The following FBXL7 variants were observed in gnomAD, a reference collection of about 807,000 sequenced individuals.
FBXL7 encodes F-box and leucine rich repeat protein 7.
Under a neutral mutation model 38.3 loss-of-function variants are expected in FBXL7, and 12 were observed. The observed-to-expected ratio is 0.31, with a 90% CI of 0.20 to 0.51. The LOEUF (loss-of-function observed/expected upper bound fraction) is 0.51. Ranked by LOEUF, FBXL7 falls within the 20% of genes least tolerant of loss-of-function variation. FBXL7 has a pLI of 0.98. For missense variants in FBXL7, 567 were observed against 676.4 expected, an observed-to-expected ratio of 0.84 and a Z score of 1.79; for synonymous variants, 297 against 300.9, an observed-to-expected ratio of 0.99 and a Z score of 0.13.
At chr5:15,795,332 A>AT (rs1001985594) in intron 2 of FBXL7, among the ~76,000 whole-genome samples, 17 of 152,118 alleles carry the variant, frequency 1.1e-4, no homozygotes, top group African/African-American at 3.6e-4. Flanking sequence ...ATTTGACTAG[A>AT]TTTTTTCTAA....
intron 1 of FBXL7, among the ~76,000 whole-genome samples, chr5:15,532,451 T>A (rs552408121): frequency 6.6e-6 from 1 of 152,374 alleles, no homozygotes; most frequent in East Asian, 1.9e-4. Context: ...ATTTCTAAGA[T>A]GATTCCATGA....
At chr5:15,683,439 C>A (rs1025149706) in intron 2 of FBXL7, among the ~76,000 whole-genome samples, 3 of 152,160 alleles carry the variant, frequency 2.0e-5, no homozygotes, top group Non-Finnish European at 2.9e-5. Flanking sequence ...AGGCGGAGCT[C>A]TGCCAAGATT....
intron 2 of FBXL7, among the ~76,000 whole-genome samples, chr5:15,853,045 A>G (rs1739148001): frequency 1.3e-5 from 2 of 152,204 alleles, no homozygotes; most frequent in South Asian, 4.1e-4. Context: ...GAGGCAGATC[A>G]TGCTTTTTAT....
intron 1 of FBXL7, among the ~76,000 whole-genome samples, chr5:15,505,566 T>G (rs1283643814): frequency 6.6e-6 from 1 of 152,152 alleles, no homozygotes; most frequent in Non-Finnish European, 1.5e-5. Flanking sequence ...ACTAGAATGG[T>G]GAACACCCAC....
intron 2 of FBXL7, among the ~76,000 whole-genome samples, chr5:15,860,566 T>A (rs534406774): frequency 6.6e-6 from 1 of 152,322 alleles, no homozygotes; most frequent in East Asian, 1.9e-4. Context: ...TTATGCAAAT[T>A]CAGGTCCCTT....
chr5:15,559,005 G>C (rs1738333607), intron 1 of FBXL7, among the ~76,000 whole-genome samples: 1 of 152,196 alleles, frequency 6.6e-6, no homozygotes, highest in Non-Finnish European at 1.5e-5. Context: ...ATGTACCAAA[G>C]ACGGTGCCTG....
At chr5:15,591,553 A>C (rs1739475680) in intron 1 of FBXL7, among the ~76,000 whole-genome samples, 1 of 152,152 alleles carries the variant, frequency 6.6e-6, no homozygotes, top group Non-Finnish European at 1.5e-5. Flanking sequence ...CTGAGGGTAA[A>C]TGGAAGGCCT....
intron 2 of FBXL7, among the ~76,000 whole-genome samples, chr5:15,819,716 A>G (rs1370482393): frequency 1.3e-5 from 2 of 152,198 alleles, no homozygotes; most frequent in Non-Finnish European, 2.9e-5. Flanking sequence ...TGCAAATTAA[A>G]GATTCTTCGT....
At chr5:15,935,561 C>G (rs1040706938) in intron 3 of FBXL7, among the ~76,000 whole-genome samples, 6 of 151,100 alleles carry the variant, frequency 4.0e-5, no homozygotes, top group African/African-American at 1.5e-4. Flanking sequence ...GCTTCGAGTT[C>G]CGTTTTCCAA....
intron 2 of FBXL7, among the ~76,000 whole-genome samples, chr5:15,625,560 C>G (rs1193273995): frequency 6.6e-6 from 1 of 151,962 alleles, no homozygotes; most frequent in East Asian, 1.9e-4. Context: ...TGGCTGAGGC[C>G]CAGTAATCCC....
chr5:15,901,412 A>G (rs1202937968), intron 2 of FBXL7, among the ~76,000 whole-genome samples: 3 of 152,174 alleles, frequency 2.0e-5, no homozygotes, highest in African/African-American at 7.2e-5. Flanking sequence ...TCACGTCCCA[A>G]AGACCCCACT....
At chr5:15,662,105 T>C (rs1279786531) in intron 2 of FBXL7, among the ~76,000 whole-genome samples, 2 of 152,196 alleles carry the variant, frequency 1.3e-5, no homozygotes, top group Non-Finnish European at 2.9e-5. Context: ...CCATATTGCT[T>C]TCCTTAATGG....
At chr5:15,538,873 C>G (rs552598083) in intron 1 of FBXL7, among the ~76,000 whole-genome samples, 12 of 152,176 alleles carry the variant, frequency 7.9e-5, no homozygotes, top group South Asian at 4.2e-4. Flanking sequence ...GAAAGCATGT[C>G]TCGGTAATTC....
At chr5:15,726,807 G>C (rs1365863463) in intron 2 of FBXL7, among the ~76,000 whole-genome samples, 2 of 152,024 alleles carry the variant, frequency 1.3e-5, no homozygotes, top group African/African-American at 4.8e-5. Flanking sequence ...TGATTGGAGA[G>C]TTTAATCTAT....
At position 15,745,314 on chromosome 5, in the gene FBXL7, T is replaced by C. The variant is rs185712896; in HGVS notation, c.127+129242T>C. ...GCTAATGCACTATTTTTACTCTTTG[T>C]ATTCATGAACATGCTTGAAATAAAG... On this transcript the variant is annotated intron_variant, in intron 2 of 3. Transcript: ENST00000504595. 4.6e-4 allele frequency among the ~76,000 whole-genome samples: 70 copies of C among 152,374 alleles called. 1 individual carries two copies. Among genetic ancestry groups the C allele is most frequent in the African/African-American group, 1.7e-3 (69 of 41,602 alleles).
chr5:15,640,671 G>A (rs1048473134), intron 2 of FBXL7, among the ~76,000 whole-genome samples: 11 of 151,820 alleles, frequency 7.2e-5, no homozygotes, highest in Admixed American at 2.6e-4. Context: ...TTACAGGTGC[G>A]TGCCACCACA....
At chr5:15,603,037 C>T (rs553995813) in intron 1 of FBXL7, among the ~76,000 whole-genome samples, 3 of 152,142 alleles carry the variant, frequency 2.0e-5, no homozygotes, top group Admixed American at 6.6e-5. Flanking sequence ...GACATGATCT[C>T]GCTATATTGT....
At chr5:15,774,056 C>CT (rs959669752) in intron 2 of FBXL7, among the ~76,000 whole-genome samples, 27 of 152,122 alleles carry the variant, frequency 1.8e-4, no homozygotes, top group South Asian at 4.1e-4. Flanking sequence ...CCACAAGCCT[C>CT]TTTTTTTACA....
chr5:15,578,678 G>A (rs1332383852), intron 1 of FBXL7, among the ~76,000 whole-genome samples: 2 of 152,118 alleles, frequency 1.3e-5, no homozygotes, highest in Admixed American at 1.3e-4. Flanking sequence ...GCAGGAAATA[G>A]CCCAATCACC....
Sources: allele counts gnomAD v4.1 joint callset (sites outside exome capture counted in the v4.1 genomes callset), GRCh38; gene constraint gnomAD v4.1.1; transcripts MANE v1.5; gene names NCBI Gene and HGNC (gene_info 2026-07-23, HGNC 2026-07-21).